The following CHRNB2 variants were observed in gnomAD, a reference collection of about 807,000 sequenced individuals.
CHRNB2 encodes the protein neuronal acetylcholine receptor subunit beta-2.
In CHRNB2, 33 loss-of-function variants were observed where a neutral mutation model predicts 42.7. The ratio of observed to expected loss-of-function variants is 0.77; its 90% CI spans 0.59 to 1.03. CHRNB2 has a LOEUF of 1.03. CHRNB2 is among the 50% of genes least tolerant of loss of function. The pLI is 0.00. For synonymous variants in CHRNB2, 325 were observed against 292.9 expected (o/e 1.11, Z -1.12); for missense variants, 603 against 700.9 (o/e 0.86, Z 1.58).
chr1:154,571,940 G>A lies in CHRNB2; in HGVS notation c.1117G>A (p.Ala373Thr), dbSNP rs778714852. 9 of 1,550,776 alleles carry A rather than the reference G, an allele frequency of 5.8e-6. No homozygotes were observed. Among genetic ancestry groups the A allele is most frequent in the Admixed American group, 5.7e-5 (3 of 52,500 alleles). ...GCGACGCCAGCGTGAGCGCGAGGGC[G>A]CTGGAGCCCTCTTCTTCCGCGAAGC... ...LRRRQREREG[A>T]GALFFREAPG... The change falls in exon 5 of 6, where the codon GCT (alanine) becomes ACT (threonine). Residue 373 changes from alanine (A) to threonine (T), a missense_variant. Around this residue, in one of 2 missense-constraint regions of CHRNB2, gnomAD observed 270 missense variants for 248.3 expected, o/e 1.09. Coordinates refer to ENST00000368476, the MANE Select transcript of CHRNB2 (RefSeq NM_000748.3). The surrounding 1 kb of genome is among the most constrained non-coding windows in gnomAD (Gnocchi z 6.8).
At chr1:154,572,801 A>C (rs1011913489) in intron 5 of CHRNB2, among the ~76,000 whole-genome samples, 9 of 151,924 alleles carry the variant, frequency 5.9e-5, no homozygotes, top group Non-Finnish European at 1.3e-4. Flanking sequence ...GGTGAAGGGG[A>C]AGGCTCCTTG....
chr1:154,570,279 A>G lies in CHRNB2; in HGVS notation c.277A>G (p.Thr93Ala). 1 of 1,611,730 alleles carries G rather than the reference A, an allele frequency of 6.2e-7. No homozygotes were observed. Among genetic ancestry groups the G allele is most frequent in the Non-Finnish European group, 8.5e-7 (1 of 1,178,830 alleles). ...CCAGGAGTGGGAAGATTATCGCCTCACCTGGAAGCCTGAAGAGTTTGACAA... is the reference window on the plus strand; with the variant it reads ...CCAGGAGTGGGAAGATTATCGCCTCGCCTGGAAGCCTGAAGAGTTTGACAA... ...LTQEWEDYRL[T>A]WKPEEFDNMK... The change falls in exon 4 of 6, where the codon ACC becomes GCC. Residue 93 changes from threonine (T) to alanine (A), a missense_variant. Around this residue, in one of 2 missense-constraint regions of CHRNB2, gnomAD observed 333 missense variants for 452.6 expected, o/e 0.74. Transcript: ENST00000368476.
At chr1:154,570,519 T>C (rs1048488579) in intron 4 of CHRNB2, 152 bp downstream of exon 4, 7 of 655,704 alleles carry the variant, frequency 1.1e-5, no homozygotes, top group Admixed American at 2.2e-5. Flanking sequence ...CCCAGACCAG[T>C]GAGGTACAGC....
Position 154,571,169 on chromosome 1 carries a change from C to G in CHRNB2, c.366-20C>G, listed in dbSNP as rs376991573. Reference sequence around the variant, plus strand: ...GAAGGAACGCTTAGGCCAGGGCTGACTGTGCCCATCCTTTGGCAGTGCTGA... The same window carrying G: ...GAAGGAACGCTTAGGCCAGGGCTGAGTGTGCCCATCCTTTGGCAGTGCTGA... On this transcript the variant is annotated intron_variant, in intron 4 of 5. Transcript: ENST00000368476. The surrounding 1 kb of genome is among the most constrained non-coding windows in gnomAD (Gnocchi z 6.8). 6.2e-7 allele frequency: 1 copy of G among 1,614,028 alleles called. No homozygotes were observed. The highest frequency in any genetic ancestry group is 1.7e-5 in the Admixed American group (1 of 60,010).
At chr1:154,574,505 G>A (rs541480118) in intron 5 of CHRNB2, among the ~76,000 whole-genome samples, 9 of 152,120 alleles carry the variant, frequency 5.9e-5, no homozygotes, top group South Asian at 2.1e-4. Flanking sequence ...GGACCAGGCC[G>A]GCTGAATGTC....
intron 5 of CHRNB2, 82 bp from the exon 6 acceptor site, chr1:154,575,676 GTGTC>G (rs1159806205): frequency 7.7e-7 from 1 of 1,297,886 alleles, no homozygotes; most frequent in Non-Finnish European, 1.1e-6. Flanking sequence ...AGTGGGGTGT[GTGTC>G]TGTGTGGTGG....
rs766283123 is a variant in CHRNB2 at position 154,575,850 on chromosome 1, G to A, written c.1427G>A (p.Gly476Asp). ...FVFVCVFGTI[G>D]MFLQPLFQNY... ...TTTGTCTGTGTCTTTGGCACCATCG[G>A]CATGTTCCTGCAGCCTCTCTTCCAG... The change falls in exon 6 of 6, where the codon GGC becomes GAC. Residue 476 changes from glycine to aspartate, a missense_variant. Transcript: ENST00000368476. 1 of 1,614,030 alleles carries A rather than the reference G, an allele frequency of 6.2e-7. No homozygotes were observed. The highest frequency in any genetic ancestry group is 8.5e-7 in the Non-Finnish European group (1 of 1,180,014).
chr1:154,568,161 A>T, intron 1 of CHRNB2, 53 bp downstream of exon 1: 1 of 1,551,824 alleles, frequency 6.4e-7, no homozygotes, highest in Non-Finnish European at 8.7e-7. Context: ...CAACGGCCCA[A>T]GACTCGCCGC....
chr1:154,571,415 A>T lies in CHRNB2; in HGVS notation c.592A>T (p.Thr198Ser). Residue 198 changes from threonine (T) to serine (S), a missense_variant, in exon 5 of 6, where the codon ACA (threonine) becomes TCA (serine). Transcript: ENST00000368476. The surrounding 1 kb of genome is among the most constrained non-coding windows in gnomAD (Gnocchi z 6.8). Reference protein sequence around the residue: ...KSEVASLDDFTPSGEWDIVAL... With the variant: ...KSEVASLDDFSPSGEWDIVAL... Reference sequence around the variant, plus strand: ...TGAGGTGGCCAGCCTGGACGACTTCACACCTAGTGGTGAGTGGGACATCGT... The same window carrying T: ...TGAGGTGGCCAGCCTGGACGACTTCTCACCTAGTGGTGAGTGGGACATCGT... 1 of 1,614,110 alleles carries T rather than the reference A, an allele frequency of 6.2e-7. No individual in the cohort carries two copies. The highest frequency in any genetic ancestry group is 8.5e-7 in the Non-Finnish European group (1 of 1,180,014).
chr1:154,568,672 A>T (rs1696105871), intron 1 of CHRNB2, among the ~76,000 whole-genome samples: 1 of 151,872 alleles, frequency 6.6e-6, no homozygotes, highest in Non-Finnish European at 1.5e-5. Flanking sequence ...ACTAGGAAGG[A>T]ACTCTCTGAG....
rs749354110 is a variant in CHRNB2 at position 154,571,458 on chromosome 1, G to A, written c.635G>A (p.Arg212His). Residue 212 changes from arginine to histidine, a missense_variant, in exon 5 of 6, where the codon CGC (arginine) becomes CAC (histidine). Coordinates refer to ENST00000368476, the MANE Select transcript of CHRNB2 (RefSeq NM_000748.3). The surrounding 1 kb of genome is among the most constrained non-coding windows in gnomAD (Gnocchi z 6.8). ...EWDIVALPGR[R>H]NENPDDSTYV... ...GACATCGTGGCGCTGCCGGGCCGGC[G>A]CAACGAGAACCCCGACGACTCTACG... 6 of 1,613,934 alleles carry A rather than the reference G, an allele frequency of 3.7e-6. No homozygotes were observed. Among genetic ancestry groups the A allele is most frequent in the South Asian group, 2.2e-5 (2 of 91,080 alleles).
chr1:154,567,785 T>C lies in CHRNB2; in HGVS notation c.-260T>C. ...TTTCCGCCTCCGGGGCGCAGACTCC[T>C]CCCCCTCACCGTCCCAATTGTATTC... On this transcript the variant is annotated 5_prime_UTR_variant, in exon 1 of 6. Coordinates refer to ENST00000368476, the MANE Select transcript of CHRNB2 (RefSeq NM_000748.3). 1 of 417,876 alleles carries C rather than the reference T, an allele frequency of 2.4e-6. No individual in the cohort carries two copies. Among genetic ancestry groups the C allele is most frequent in the Non-Finnish European group, 4.2e-6 (1 of 239,150 alleles). The allele number at this position is 417,876 out of a possible 1,614,324, so 25.9% of individuals were successfully genotyped here.
intron 1 of CHRNB2, 36 bp from the exon 2 acceptor site, chr1:154,569,426 G>T: frequency 6.2e-7 from 1 of 1,612,014 alleles, no homozygotes; most frequent in Non-Finnish European, 8.5e-7. Flanking sequence ...GGCTCTCCTT[G>T]CCTGCTTACT....
intron 1 of CHRNB2, among the ~76,000 whole-genome samples, chr1:154,568,570 G>A (rs113086145): frequency 3.8e-4 from 58 of 152,246 alleles, no homozygotes; most frequent in African/African-American, 1.3e-3. Flanking sequence ...CCCCTCAGGG[G>A]CAGAGAAGGG....
chr1:154,569,502 T>A lies in CHRNB2; in HGVS notation c.105T>A (p.His35Gln), dbSNP rs141689121. The A allele has an allele frequency of 1.7e-5, 27 of 1,613,672 alleles. No individual in the cohort carries two copies. In the Admixed American group the frequency reaches 4.3e-4, roughly 26 times the overall value. ...ATACAGAGGAGCGGCTGGTGGAGCA[T>A]CTCCTGGATCCTTCCCGCTACAACA... ...GTDTEERLVE[H>Q]LLDPSRYNKL... The change falls in exon 2 of 6, where the codon CAT becomes CAA. Residue 35 changes from histidine to glutamine, a missense_variant. Transcript: ENST00000368476.
At position 154,567,962 on chromosome 1, in the gene CHRNB2, C is replaced by T. The variant is rs1696089702; in HGVS notation, c.-83C>T. 5 of 1,332,912 alleles carry T rather than the reference C, an allele frequency of 3.8e-6. No homozygotes were observed. The highest frequency in any genetic ancestry group is 4.9e-6 in the Non-Finnish European group (5 of 1,023,478). 82.6% of individuals were successfully genotyped at this position (1,332,912 alleles called of 1,614,324 possible). A position where few individuals can be genotyped will look rare whatever the true frequency, so the allele number is the denominator to read the frequency against. On this transcript the variant is annotated 5_prime_UTR_variant, in exon 1 of 6. Coordinates refer to ENST00000368476, the MANE Select transcript of CHRNB2 (RefSeq NM_000748.3). ...CTCCAGGCGGGCGCGGCTTCAGCAC[C>T]ACGGACAGCGCCCCACCCGCGGCCC...
At chr1:154,568,760 T>G (rs1696108206) in intron 1 of CHRNB2, among the ~76,000 whole-genome samples, 1 of 151,712 alleles carries the variant, frequency 6.6e-6, no homozygotes, top group Non-Finnish European at 1.5e-5. Flanking sequence ...ACAAAGGGAA[T>G]GCACAACTGA....
intron 5 of CHRNB2, among the ~76,000 whole-genome samples, chr1:154,574,691 T>A (rs78794625): frequency 6.6e-6 from 1 of 152,218 alleles, no homozygotes; most frequent in Non-Finnish European, 1.5e-5. Flanking sequence ...GTGGAATTTT[T>A]AAATTTGTGC....
rs1696270337 is a variant in CHRNB2, at chr1:154,576,096, C to T, written c.*164C>T. On this transcript the variant is annotated 3_prime_UTR_variant, in exon 6 of 6. Coordinates refer to ENST00000368476, the MANE Select transcript of CHRNB2 (RefSeq NM_000748.3). Reference sequence around the variant, plus strand: ...CTCCTCCCCCACGCCTCCATCCACACACAGCAGCTCCAACCTGGAGGCTGG... The same window carrying T: ...CTCCTCCCCCACGCCTCCATCCACATACAGCAGCTCCAACCTGGAGGCTGG... The T allele has an allele frequency of 1.2e-6, 1 of 816,462 alleles. No homozygotes were observed. The highest frequency in any genetic ancestry group is 2.0e-6 in the Non-Finnish European group (1 of 497,910). 50.6% of individuals were successfully genotyped at this position (816,462 alleles called of 1,614,324 possible). A position where few individuals can be genotyped will look rare whatever the true frequency, so the allele number is the denominator to read the frequency against.
Sources: gnomAD v4.1 joint callset for allele counts (sites outside exome capture counted in the v4.1 genomes callset) on GRCh38, gnomAD v4.1.1 for gene constraint, gnomAD v4.1.1 regional missense constraint, Gnocchi (gnomAD v3.1) non-coding constraint, MANE v1.5 for transcripts, NCBI Gene and HGNC (gene_info 2026-07-23, HGNC 2026-07-21) for gene names.